THSD7A: variants seen among roughly 807,000 people sequenced by gnomAD.
THSD7A encodes the protein thrombospondin type 1 domain containing 7A.
A neutral mutation model predicts 231.3 loss-of-function variants in THSD7A; 96 were observed. That is an observed-to-expected ratio of 0.41 (90% confidence interval 0.35 to 0.49). THSD7A has a LOEUF of 0.49. Ranked by LOEUF, THSD7A falls within the 20% of genes least tolerant of loss-of-function variation. THSD7A has a pLI of 0.05. For synonymous variants in THSD7A, 940 were observed against 743.3 expected (o/e 1.26, Z -4.30); for missense variants, 2,290 against 2,070.2 (o/e 1.11, Z -2.06).
chr7:11,705,168 G>A (rs1193729659), intron 1 of THSD7A, among the ~76,000 whole-genome samples: 1 of 150,932 alleles, frequency 6.6e-6, no homozygotes, highest in East Asian at 2.0e-4. Flanking sequence ...TGAGAACATT[G>A]TTTCAAATAT....
chr7:11,526,893 A>T (rs58172106), intron 6 of THSD7A, among the ~76,000 whole-genome samples: 8,921 of 151,998 alleles, frequency 0.059, 396 homozygotes, highest in East Asian at 0.17. Context: ...TAACCAAATT[A>T]AAAAAAATGA....
intron 6 of THSD7A, among the ~76,000 whole-genome samples, chr7:11,505,106 T>C (rs1787490731): frequency 1.3e-5 from 2 of 152,148 alleles, no homozygotes. Flanking sequence ...AATAAAAATA[T>C]CATTGCTTAG....
intron 23 of THSD7A, chr7:11,383,794 T>C (rs913254922): frequency 6.2e-4 from 94 of 152,178 alleles, no homozygotes; most frequent in African/African-American, 2.1e-3. Flanking sequence ...CATTGAATTG[T>C]AGAAATTCTT....
chr7:11,576,002 T>G (rs1183526821), intron 4 of THSD7A, among the ~76,000 whole-genome samples: 11 of 152,202 alleles, frequency 7.2e-5, no homozygotes, highest in Non-Finnish European at 1.6e-4. Flanking sequence ...TGGTTTCTGT[T>G]GCCTAATGGG....
intron 1 of THSD7A, among the ~76,000 whole-genome samples, chr7:11,750,409 T>C (rs1782459698): frequency 6.6e-6 from 1 of 151,820 alleles, no homozygotes; most frequent in Non-Finnish European, 1.5e-5. Context: ...AAAGAATTCG[T>C]TCGAAAAAAG....
At chr7:11,532,622 T>C (rs1404314177) in intron 6 of THSD7A, among the ~76,000 whole-genome samples, 1 of 152,188 alleles carries the variant, frequency 6.6e-6, no homozygotes, top group Non-Finnish European at 1.5e-5. Context: ...ATGTACATAT[T>C]ACATCATGCA....
intron 8 of THSD7A, among the ~76,000 whole-genome samples, chr7:11,473,957 C>T (rs757095699): frequency 3.3e-5 from 5 of 152,084 alleles, no homozygotes; most frequent in Admixed American, 6.6e-5. Flanking sequence ...GGGCAGCCTC[C>T]GTAGCCTACG....
chr7:11,735,807 A>C (rs1318062011), intron 1 of THSD7A, among the ~76,000 whole-genome samples: 2 of 151,988 alleles, frequency 1.3e-5, no homozygotes, highest in East Asian at 3.9e-4. Context: ...GGAAAACATT[A>C]TGAGGAATGC....
At chr7:11,772,412 C>T (rs1480792225) in intron 1 of THSD7A, among the ~76,000 whole-genome samples, 5 of 152,092 alleles carry the variant, frequency 3.3e-5, no homozygotes, top group Non-Finnish European at 5.9e-5. Context: ...TCTAAAAAGA[C>T]ACATGCACCC....
intron 6 of THSD7A, among the ~76,000 whole-genome samples, chr7:11,507,182 C>T (rs530149983): frequency 1.9e-4 from 29 of 152,118 alleles, no homozygotes; most frequent in Non-Finnish European, 3.8e-4. Flanking sequence ...TAGAAGAGCT[C>T]GAAAGTAATA....
chr7:11,525,886 G>T (rs1359100723), intron 6 of THSD7A, among the ~76,000 whole-genome samples: 1 of 152,174 alleles, frequency 6.6e-6, no homozygotes, highest in Admixed American at 6.5e-5. Context: ...AATGTAACGT[G>T]TGACTGGAAA....
intron 13 of THSD7A, 63 bp from the exon 14 acceptor site, chr7:11,429,188 ACTATT>A (rs1272927264): frequency 5.4e-6 from 8 of 1,470,630 alleles, no homozygotes; most frequent in Non-Finnish European, 6.4e-6. Flanking sequence ...ATTACCACCC[ACTATT>A]CTAGGTCATT....
At chr7:11,775,001 G>C (rs1783355398) in intron 1 of THSD7A, among the ~76,000 whole-genome samples, 1 of 152,120 alleles carries the variant, frequency 6.6e-6, no homozygotes, top group Admixed American at 6.6e-5. Flanking sequence ...GTTGCAGTGA[G>C]CCATTGCACT....
chr7:11,667,464 T>C (rs6963560), intron 1 of THSD7A, among the ~76,000 whole-genome samples: 79,783 of 151,988 alleles, frequency 0.52, 21,174 homozygotes, highest in African/African-American at 0.58. Context: ...CATTTTTTAT[T>C]ACATACTCTT....
At chr7:11,458,107 G>T (rs975974434) in intron 11 of THSD7A, among the ~76,000 whole-genome samples, 3 of 152,058 alleles carry the variant, frequency 2.0e-5, no homozygotes, top group Non-Finnish European at 4.4e-5. Flanking sequence ...TGCTAGGGGG[G>T]ACAGAGAGCA....
intron 1 of THSD7A, among the ~76,000 whole-genome samples, chr7:11,731,859 G>T (rs1192098881): frequency 3.3e-5 from 5 of 150,418 alleles, no homozygotes; most frequent in Non-Finnish European, 7.4e-5. Context: ...CTTTAGAAAC[G>T]TTATTTAAAA....
chr7:11,523,538 A>G (rs957280346), intron 6 of THSD7A, among the ~76,000 whole-genome samples: 5 of 152,108 alleles, frequency 3.3e-5, no homozygotes, highest in African/African-American at 1.2e-4. Context: ...ATCCCTGACA[A>G]AAAATTACAA....
At chr7:11,534,023 A>G (rs1206075351) in intron 6 of THSD7A, among the ~76,000 whole-genome samples, 1 of 152,160 alleles carries the variant, frequency 6.6e-6, no homozygotes, top group African/African-American at 2.4e-5. Flanking sequence ...AGTGGAAGAT[A>G]CCTTGTTCTT....
intron 1 of THSD7A, among the ~76,000 whole-genome samples, chr7:11,644,186 A>G (rs1434839577): frequency 6.6e-6 from 1 of 151,842 alleles, no homozygotes; most frequent in African/African-American, 2.4e-5. Context: ...TGCTTATTTT[A>G]TACTCGTTTG....
Sources: gnomAD v4.1 joint callset for allele counts (sites outside exome capture counted in the v4.1 genomes callset) on GRCh38, gnomAD v4.1.1 for gene constraint, MANE v1.5 for transcripts, NCBI Gene and HGNC (gene_info 2026-07-23, HGNC 2026-07-21) for gene names.